C4orf51: variants seen among roughly 807,000 people sequenced by gnomAD.
C4orf51 encodes chromosome 4 open reading frame 51.
In C4orf51, 25 loss-of-function variants were observed where a neutral mutation model predicts 25.2. The ratio of observed to expected loss-of-function variants is 0.99; its 90% CI spans 0.72 to 1.39. C4orf51 has a LOEUF of 1.39. Among genes scored for constraint, C4orf51 ranks in the 40% most tolerant of loss-of-function variants. The pLI is 0.00. For synonymous variants in C4orf51, 100 were observed against 84.5 expected (o/e 1.18, Z -1.01); for missense variants, 252 against 239.6 (o/e 1.05, Z -0.34).
In C4orf51 at chr4:145,768,907, AT is replaced by A. The variant is rs1359127126; in HGVS notation, n.167-2080del. ...AAAAAAAAAATATATATATATATAT[AT>A]ATATATATTAGGTATACAAAGTTTG... On this transcript the variant is annotated intron_variant and non_coding_transcript_variant, in intron 1 of 1. Coordinates refer to the C4orf51 transcript ENST00000510096. 2.7e-3 allele frequency among the ~76,000 whole-genome samples: 101 copies of A among 37,312 alleles called. 15 individuals carry two copies. The highest frequency in any genetic ancestry group is 4.4e-3 in the Non-Finnish European group (71 of 16,204). The allele number at this position is 37,312 out of a possible 152,430, so 24.5% of individuals were successfully genotyped here. A position where few individuals can be genotyped will look rare whatever the true frequency, so the allele number is the denominator to read the frequency against.
At chr4:145,728,808 G>A (rs1025291916) in intron 3 of C4orf51, among the ~76,000 whole-genome samples, 2 of 152,016 alleles carry the variant, frequency 1.3e-5, no homozygotes, top group African/African-American at 4.8e-5. Context: ...CTACTAGGGT[G>A]TTTAGCTTTT....
At chr4:145,729,620 T>C (rs1732349061) in intron 4 of C4orf51, among the ~76,000 whole-genome samples, 1 of 152,160 alleles carries the variant, frequency 6.6e-6, no homozygotes, top group East Asian at 1.9e-4. Flanking sequence ...GATATTTTCA[T>C]ACCTTTTGCA....
At chr4:145,778,004 C>T in the C4orf51 span, among the ~76,000 whole-genome samples, 1 of 152,068 alleles carries the variant, frequency 6.6e-6, no homozygotes, top group African/African-American at 2.4e-5. Context: ...TTATAAAACT[C>T]CACTTTTTTG....
At chr4:145,691,321 G>A (rs1196074674) in intron 1 of C4orf51, among the ~76,000 whole-genome samples, 1 of 152,054 alleles carries the variant, frequency 6.6e-6, no homozygotes, top group East Asian at 1.9e-4. Context: ...GAAGAGAAAA[G>A]GGAACATTTA....
At chr4:145,755,624 G>C (rs6857844), downstream of C4orf51, among the ~76,000 whole-genome samples, 2 of 152,170 alleles carry the variant, frequency 1.3e-5, no homozygotes, top group Non-Finnish European at 2.9e-5. Flanking sequence ...CCTTGATTAA[G>C]AAATAACCCT....
At chr4:145,704,284 A>G (rs1299541489) in intron 2 of C4orf51, among the ~76,000 whole-genome samples, 1 of 152,150 alleles carries the variant, frequency 6.6e-6, no homozygotes, top group Non-Finnish European at 1.5e-5. Flanking sequence ...CAGACTCTCA[A>G]CCTCTCCTGG....
the C4orf51 span, among the ~76,000 whole-genome samples, chr4:145,788,071 TCTGC>T: frequency 5.9e-5 from 9 of 152,326 alleles, no homozygotes; most frequent in Non-Finnish European, 1.2e-4. Flanking sequence ...AGACCCACAG[TCTGC>T]CTGCTCCTCT....
At chr4:145,710,660 C>G (rs1051479422) in intron 2 of C4orf51, among the ~76,000 whole-genome samples, 2 of 152,288 alleles carry the variant, frequency 1.3e-5, no homozygotes, top group Middle Eastern at 3.4e-3. Flanking sequence ...CTGCTGATTA[C>G]CAGTTTCAGG....
chr4:145,772,743 A>G (rs1355244061), downstream of C4orf51, among the ~76,000 whole-genome samples: 2 of 152,264 alleles, frequency 1.3e-5, no homozygotes. Context: ...AAAGGCTCCT[A>G]CTGAATTAAA....
chr4:145,747,471 T>C (rs1733433782), intron 1 of C4orf51, among the ~76,000 whole-genome samples: 1 of 152,052 alleles, frequency 6.6e-6, no homozygotes, highest in Non-Finnish European at 1.5e-5. Flanking sequence ...ATGGTTTTTG[T>C]CTTCTATTCT....
chr4:145,703,768 G>T (rs530514406), intron 2 of C4orf51, among the ~76,000 whole-genome samples: 1 of 152,246 alleles, frequency 6.6e-6, no homozygotes, highest in Admixed American at 6.5e-5. Context: ...ATTTTGAGTT[G>T]ATTTTTGTGT....
At chr4:145,716,038 CCT>C (rs1731390816) in intron 2 of C4orf51, among the ~76,000 whole-genome samples, 1 of 152,146 alleles carries the variant, frequency 6.6e-6, no homozygotes, top group African/African-American at 2.4e-5. Context: ...CCACCTCCAC[CCT>C]GTTACAGTTA....
At chr4:145,779,665 T>C in the C4orf51 span, among the ~76,000 whole-genome samples, 1 of 152,232 alleles carries the variant, frequency 6.6e-6, no homozygotes, top group Non-Finnish European at 1.5e-5. Flanking sequence ...GCTCATTTCC[T>C]GTCTCTAAGA....
intron 5 of C4orf51, 38 bp downstream of exon 5, chr4:145,730,003 G>T (rs1732372500): frequency 6.3e-7 from 1 of 1,579,864 alleles, no homozygotes; most frequent in Non-Finnish European, 8.7e-7. Flanking sequence ...CAGTGGATCT[G>T]TGGGGTAGTC....
intron 1 of C4orf51, among the ~76,000 whole-genome samples, chr4:145,743,940 C>T (rs897836109): frequency 6.6e-6 from 1 of 152,192 alleles, no homozygotes; most frequent in Non-Finnish European, 1.5e-5. Context: ...CCTCCTCCCA[C>T]CACAGTTAGA....
chr4:145,746,871 T>A (rs1733397849), intron 1 of C4orf51, among the ~76,000 whole-genome samples: 1 of 152,122 alleles, frequency 6.6e-6, no homozygotes, highest in South Asian at 2.1e-4. Context: ...CTTTTTTGTG[T>A]CCTCTTCAAT....
intron 1 of C4orf51, among the ~76,000 whole-genome samples, chr4:145,770,388 C>CACT (rs1429526138): frequency 6.6e-6 from 1 of 151,318 alleles, no homozygotes; most frequent in African/African-American, 2.4e-5. Context: ...TCACTTCTAC[C>CACT]ACTTAGTAGC....
chr4:145,789,386 G>A, the C4orf51 span, among the ~76,000 whole-genome samples: 1 of 152,140 alleles, frequency 6.6e-6, no homozygotes. Context: ...ATCAGAGTTT[G>A]TTAAAAGTAT....
At chr4:145,768,291 A>G (rs549689328) in intron 1 of C4orf51, among the ~76,000 whole-genome samples, 1 of 152,210 alleles carries the variant, frequency 6.6e-6, no homozygotes, top group Admixed American at 6.5e-5. Context: ...CAGCCTCCCA[A>G]GTAGCTGGGA....
Sources: gnomAD v4.1 joint callset for allele counts (sites outside exome capture counted in the v4.1 genomes callset) on GRCh38, gnomAD v4.1.1 for gene constraint, MANE v1.5 for transcripts, NCBI Gene and HGNC (gene_info 2026-07-23, HGNC 2026-07-21) for gene names.